DOCK8: variants seen among roughly 807,000 people sequenced by gnomAD.
DOCK8 encodes the protein dedicator of cytokinesis 8.
In DOCK8, 141 loss-of-function variants were observed where a neutral mutation model predicts 245.6. That is an observed-to-expected ratio of 0.57 (90% confidence interval 0.50 to 0.66). DOCK8 has a LOEUF of 0.66. DOCK8 is among the 30% of genes least tolerant of loss of function. The pLI is 0.00. For synonymous variants in DOCK8, 1,168 were observed against 970.2 expected (o/e 1.20, Z -3.79); for missense variants, 2,965 against 2,603.4 (o/e 1.14, Z -3.02).
chr9:409,149 C>T (rs1052581219), intron 28 of DOCK8, among the ~76,000 whole-genome samples: 1 of 152,004 alleles, frequency 6.6e-6, no homozygotes, highest in African/African-American at 2.4e-5. Flanking sequence ...GTAGACTTGC[C>T]AACACCTGTA....
intron 1 of DOCK8, among the ~76,000 whole-genome samples, chr9:243,343 C>G (rs2047422341): frequency 6.6e-6 from 1 of 152,186 alleles, no homozygotes; most frequent in Non-Finnish European, 1.5e-5. Flanking sequence ...GTGAATCGCA[C>G]TGCAAACAGA....
chr9:334,820 G>A lies in DOCK8; in HGVS notation c.1285+436G>A, dbSNP rs546690724. ...ACAGGAACAGGGCGTGGTGGCTCACGCTTGTAATCCCACCACTTTGGGAGG... is the reference window on the plus strand; with the variant it reads ...ACAGGAACAGGGCGTGGTGGCTCACACTTGTAATCCCACCACTTTGGGAGG... On this transcript the variant is annotated intron_variant, in intron 11 of 47. Coordinates refer to ENST00000432829, the MANE Select transcript of DOCK8 (RefSeq NM_203447.4). 9.9e-5 allele frequency among the ~76,000 whole-genome samples: 15 copies of A among 152,194 alleles called. No individual in the cohort carries two copies. The South Asian group carries it at 1.2e-3, about 13-fold the overall frequency.
intron 26 of DOCK8, among the ~76,000 whole-genome samples, chr9:403,996 A>ATATATATATATGTGTG (rs1586931997): frequency 1.6e-5 from 2 of 121,958 alleles, no homozygotes; most frequent in Admixed American, 8.4e-5. Flanking sequence ...ATATATGTGT[A>ATATATATATATGTGTG]TATATATATA....
At chr9:226,981 AC>A (rs1261313301) in intron 1 of DOCK8, among the ~76,000 whole-genome samples, 1 of 152,176 alleles carries the variant, frequency 6.6e-6, no homozygotes, top group Non-Finnish European at 1.5e-5. Flanking sequence ...TATATGCATA[AC>A]TCTCTGCAGA....
At chr9:260,487 C>CT (rs2047892625) in intron 1 of DOCK8, among the ~76,000 whole-genome samples, 1 of 152,206 alleles carries the variant, frequency 6.6e-6, no homozygotes, top group Admixed American at 6.5e-5. Flanking sequence ...ATTTTGTGCA[C>CT]TTTCTTTATA....
At chr9:259,248 A>G (rs73372581) in intron 1 of DOCK8, among the ~76,000 whole-genome samples, 4,877 of 152,144 alleles carry the variant, frequency 0.032, 243 homozygotes, top group African/African-American at 0.11. Context: ...GGCTGCAGTG[A>G]GCTGTGATCT....
At chr9:315,115 A>G (rs2050285547) in intron 6 of DOCK8, among the ~76,000 whole-genome samples, 1 of 152,210 alleles carries the variant, frequency 6.6e-6, no homozygotes, top group Non-Finnish European at 1.5e-5. Flanking sequence ...AGGCTAGGGG[A>G]GTACTTCTTG....
chr9:453,936 G>A (rs2057544615), intron 46 of DOCK8, among the ~76,000 whole-genome samples: 1 of 152,154 alleles, frequency 6.6e-6, no homozygotes, highest in East Asian at 1.9e-4. Context: ...CTATATTCCA[G>A]GCATGATATT....
At chr9:443,694 A>G (rs2057162532) in intron 43 of DOCK8, among the ~76,000 whole-genome samples, 178 bp downstream of exon 43, 2 of 152,266 alleles carry the variant, frequency 1.3e-5, no homozygotes, top group South Asian at 4.1e-4. Context: ...AGTCAAAGGC[A>G]GGAATCATAA....
intron 2 of DOCK8, among the ~76,000 whole-genome samples, chr9:272,385 C>G (rs1408314280): frequency 6.6e-6 from 1 of 152,048 alleles, no homozygotes. Flanking sequence ...ACAGTATGTA[C>G]AAACCTTCTT....
intron 7 of DOCK8, among the ~76,000 whole-genome samples, chr9:325,034 C>G (rs1043179446): frequency 4.6e-5 from 7 of 152,138 alleles, no homozygotes; most frequent in African/African-American, 1.7e-4. Flanking sequence ...CCTTTGTGTA[C>G]TCATAGCTTA....
At chr9:251,100 C>G (rs902869295) in intron 1 of DOCK8, among the ~76,000 whole-genome samples, 10 of 152,156 alleles carry the variant, frequency 6.6e-5, no homozygotes, top group African/African-American at 2.2e-4. Context: ...AAGGACAGAT[C>G]TCGAATAAAA....
intron 41 of DOCK8, 126 bp downstream of exon 41, chr9:441,543 T>A: frequency 7.0e-7 from 1 of 1,434,904 alleles, no homozygotes; most frequent in Non-Finnish European, 9.6e-7. Flanking sequence ...TGCTCTCACC[T>A]GTCAAACAGA....
chr9:237,648 C>G (rs541919127), intron 1 of DOCK8, among the ~76,000 whole-genome samples: 1 of 152,144 alleles, frequency 6.6e-6, no homozygotes, highest in Non-Finnish European at 1.5e-5. Flanking sequence ...GAGCAAGACC[C>G]TGTCTCAGAA....
At chr9:227,581 T>G (rs1048694326) in intron 1 of DOCK8, among the ~76,000 whole-genome samples, 2 of 152,198 alleles carry the variant, frequency 1.3e-5, no homozygotes, top group African/African-American at 4.8e-5. Context: ...TGTAAACCAC[T>G]GAGATTTTTG....
intron 1 of DOCK8, among the ~76,000 whole-genome samples, chr9:256,944 AAG>A (rs2047790338): frequency 1.3e-5 from 2 of 152,204 alleles, no homozygotes; most frequent in African/African-American, 4.8e-5. Flanking sequence ...GTTCTCAACT[AAG>A]AGATTCTCGT....
At chr9:231,580 G>C (rs2047118680) in intron 1 of DOCK8, among the ~76,000 whole-genome samples, 5 of 152,052 alleles carry the variant, frequency 3.3e-5, no homozygotes, top group Admixed American at 3.3e-4. Flanking sequence ...ATTTCATTGA[G>C]CAGTGGTTTG....
intron 1 of DOCK8, among the ~76,000 whole-genome samples, chr9:251,727 T>C (rs78469198): frequency 0.029 from 4,481 of 152,168 alleles, 209 homozygotes; most frequent in African/African-American, 0.1. Flanking sequence ...ACCTCCCTCA[T>C]AGAGTTGTTG....
At chr9:400,045 T>A (rs868757659) in intron 26 of DOCK8, among the ~76,000 whole-genome samples, 117 of 46,800 alleles carry the variant, frequency 2.5e-3, no homozygotes, top group African/African-American at 0.012. Context: ...CACCACCACC[T>A]CCACCATCAC....
Sources: gnomAD v4.1 joint callset for allele counts (sites outside exome capture counted in the v4.1 genomes callset) on GRCh38, gnomAD v4.1.1 for gene constraint, MANE v1.5 for transcripts, NCBI Gene and HGNC (gene_info 2026-07-23, HGNC 2026-07-21) for gene names.